FSTL5: variants seen among roughly 807,000 people sequenced by gnomAD.
FSTL5 encodes follistatin like 5.
In FSTL5, 62 loss-of-function variants were observed where a neutral mutation model predicts 89.1. The observed-to-expected ratio is 0.70, with a 90% CI of 0.57 to 0.86. FSTL5 has a LOEUF of 0.86. Among genes scored for constraint, FSTL5 ranks in the 40% least tolerant of loss-of-function variants. The pLI is 0.00. For synonymous variants in FSTL5, 383 were observed against 346.2 expected (o/e 1.11, Z -1.18); for missense variants, 1,057 against 1,001.6 (o/e 1.06, Z -0.75).
intron 4 of FSTL5, among the ~76,000 whole-genome samples, chr4:161,891,597 A>G (rs1204960693): frequency 3.3e-5 from 5 of 152,162 alleles, no homozygotes; most frequent in Admixed American, 6.5e-5. Flanking sequence ...TTACTAATGT[A>G]AAGTTAGGAA....
At chr4:161,991,608 A>G (rs1008409639) in intron 3 of FSTL5, among the ~76,000 whole-genome samples, 1 of 152,168 alleles carries the variant, frequency 6.6e-6, no homozygotes, top group Non-Finnish European at 1.5e-5. Flanking sequence ...AAGACAGATC[A>G]AGAATACTGT....
At chr4:161,678,332 A>G (rs916015185) in intron 6 of FSTL5, among the ~76,000 whole-genome samples, 1 of 151,852 alleles carries the variant, frequency 6.6e-6, no homozygotes, top group South Asian at 2.1e-4. Flanking sequence ...ATCAGGAAAA[A>G]CAGAATAGTG....
At chr4:161,624,418 T>G (rs1371915526) in intron 7 of FSTL5, among the ~76,000 whole-genome samples, 1 of 151,958 alleles carries the variant, frequency 6.6e-6, no homozygotes, top group Non-Finnish European at 1.5e-5. Context: ...GAATAATAAT[T>G]CAGGGAATAA....
intron 8 of FSTL5, among the ~76,000 whole-genome samples, chr4:161,570,255 G>A (rs1464862396): frequency 1.3e-5 from 2 of 151,966 alleles, no homozygotes; most frequent in East Asian, 1.9e-4. Flanking sequence ...GTGTAGTCTG[G>A]GTAAGCTTCA....
At chr4:161,645,908 G>A (rs779221716) in intron 7 of FSTL5, among the ~76,000 whole-genome samples, 8 of 151,682 alleles carry the variant, frequency 5.3e-5, no homozygotes, top group South Asian at 2.1e-4. Context: ...AAATTTCTAC[G>A]TTTTTAGTTG....
chr4:162,108,292 T>G (rs1204648631), intron 2 of FSTL5, among the ~76,000 whole-genome samples: 1 of 152,110 alleles, frequency 6.6e-6, no homozygotes, highest in Non-Finnish European at 1.5e-5. Flanking sequence ...TGCCTGCATA[T>G]TTTTATATTT....
At chr4:162,028,289 T>C (rs923196952) in intron 3 of FSTL5, among the ~76,000 whole-genome samples, 5 of 152,266 alleles carry the variant, frequency 3.3e-5, no homozygotes, top group Admixed American at 2.6e-4. Context: ...TAATAATGCA[T>C]GTATTGGCCA....
At chr4:161,862,786 C>G (rs1194454698) in intron 4 of FSTL5, among the ~76,000 whole-genome samples, 1 of 152,056 alleles carries the variant, frequency 6.6e-6, no homozygotes, top group Non-Finnish European at 1.5e-5. Context: ...AAATCCTCAA[C>G]AGTTGTCCCT....
intron 6 of FSTL5, among the ~76,000 whole-genome samples, chr4:161,728,210 T>C (rs111988093): frequency 2.4e-4 from 37 of 152,306 alleles, no homozygotes; most frequent in African/African-American, 7.2e-4. Context: ...ATCTCTGGGT[T>C]AGCAGCTTAA....
chr4:162,002,901 T>C (rs958045364), intron 3 of FSTL5, among the ~76,000 whole-genome samples: 1 of 152,074 alleles, frequency 6.6e-6, no homozygotes, highest in African/African-American at 2.4e-5. Context: ...TCCCAGCACT[T>C]TGGGAGGCCG....
At chr4:161,987,467 T>A (rs1735995856) in intron 3 of FSTL5, among the ~76,000 whole-genome samples, 1 of 144,204 alleles carries the variant, frequency 6.9e-6, no homozygotes. Context: ...TTTATATATA[T>A]ATGTATATAT....
rs1238095173 is a variant in FSTL5, at chr4:161,455,021, GAGTGTTGTGGTGGGAATGA to G, written c.1805_1823del (p.Phe602SerfsTer6). On this transcript the variant is annotated frameshift_variant, in exon 15 of 16. Coordinates refer to ENST00000306100, the MANE Select transcript of FSTL5 (RefSeq NM_020116.5). LOFTEE classifies it low-confidence loss of function (END_TRUNC). ...GCACTTACCTCATATGGGTGATAAT[GAGTGTTGTGGTGGGAATGA>G]AAAAATCATCCACTCTGTCAAATTG... 3 of 1,613,434 alleles carry G rather than the reference GAGTGTTGTGGTGGGAATGA, an allele frequency of 1.9e-6. No homozygotes were observed. The highest frequency in any genetic ancestry group is 2.5e-6 in the Non-Finnish European group (3 of 1,179,702).
intron 4 of FSTL5, among the ~76,000 whole-genome samples, chr4:161,779,809 A>ATGTG: frequency 1.7e-5 from 1 of 60,570 alleles, no homozygotes; most frequent in South Asian, 4.9e-4. Flanking sequence ...ATATATATAT[A>ATGTG]TGTATATATA....
intron 11 of FSTL5, among the ~76,000 whole-genome samples, chr4:161,501,142 A>C (rs1299844709): frequency 6.6e-6 from 1 of 152,222 alleles, no homozygotes; most frequent in Non-Finnish European, 1.5e-5. Flanking sequence ...CTTGACTGGA[A>C]AATCAAACCA....
intron 4 of FSTL5, among the ~76,000 whole-genome samples, chr4:161,918,654 TA>T (rs781652755): frequency 2.0e-3 from 300 of 150,728 alleles, no homozygotes; most frequent in African/African-American, 5.4e-3. Flanking sequence ...TTTATTTATT[TA>T]TTTTTTTGAG....
intron 2 of FSTL5, among the ~76,000 whole-genome samples, chr4:162,079,685 A>G (rs970037209): frequency 3.3e-5 from 5 of 151,504 alleles, no homozygotes; most frequent in Non-Finnish European, 5.9e-5. Flanking sequence ...GCAAAGTGAA[A>G]AAAGTCTTAT....
chr4:161,858,425 T>C (rs148998813), intron 4 of FSTL5, among the ~76,000 whole-genome samples: 24 of 152,304 alleles, frequency 1.6e-4, no homozygotes, highest in African/African-American at 5.8e-4. Context: ...GCCCTTTCTA[T>C]ACCTAGGCAC....
chr4:162,010,753 G>A (rs1446473093), intron 3 of FSTL5, among the ~76,000 whole-genome samples: 1 of 152,180 alleles, frequency 6.6e-6, no homozygotes, highest in Admixed American at 6.5e-5. Flanking sequence ...AGGTTCATCT[G>A]TGTTGTAACC....
chr4:162,120,636 A>C (rs1404892148), intron 1 of FSTL5, among the ~76,000 whole-genome samples: 1 of 152,058 alleles, frequency 6.6e-6, no homozygotes, highest in Non-Finnish European at 1.5e-5. Flanking sequence ...TTGACTGTGA[A>C]GTGAGTCAAA....
Sources: allele counts gnomAD v4.1 joint callset (sites outside exome capture counted in the v4.1 genomes callset), GRCh38; gene constraint gnomAD v4.1.1; transcripts MANE v1.5; gene names NCBI Gene and HGNC (gene_info 2026-07-23, HGNC 2026-07-21).